The following BCL7B variants were observed in gnomAD, a reference collection of about 807,000 sequenced individuals.
BCL7B encodes the protein BAF chromatin remodeling complex subunit BCL7B.
A neutral mutation model predicts 26.5 loss-of-function variants in BCL7B; 11 were observed. The ratio of observed to expected loss-of-function variants is 0.42; its 90% CI spans 0.26 to 0.69. The LOEUF (loss-of-function observed/expected upper bound fraction) is 0.69. Among genes scored for constraint, BCL7B ranks in the 30% least tolerant of loss-of-function variants. The probability of loss-of-function intolerance (pLI) is 0.28; values close to 1 mark genes in which losing one functional copy is unlikely to be tolerated. For missense variants in BCL7B, 215 were observed against 264.4 expected, an observed-to-expected ratio of 0.81 and a Z score of 1.30; for synonymous variants, 111 against 107.9, an observed-to-expected ratio of 1.03 and a Z score of -0.18.
At chr7:73,548,912 A>G (rs1433144987) in intron 2 of BCL7B, among the ~76,000 whole-genome samples, 1 of 152,160 alleles carries the variant, frequency 6.6e-6, no homozygotes, top group Non-Finnish European at 1.5e-5. Flanking sequence ...CCTAGTCAAG[A>G]GAAGCGAAAT....
Position 73,555,209 on chromosome 7 carries a change from C to T in BCL7B, c.92+2278G>A, listed in dbSNP as rs537341648. ...CCACTTGGAATTCAGGAGTTCAAGA[C>T]CAGCTTGGCCAACATGGTGAAACCC... On this transcript the variant is annotated intron_variant, in intron 1 of 5. Transcript: ENST00000223368. Among the ~76,000 whole-genome samples, 30 of 152,116 alleles carry T rather than the reference C, an allele frequency of 2.0e-4. No homozygotes were observed. The South Asian group carries it at 6.0e-3, about 31-fold the overall frequency.
At chr7:73,550,916 C>G (rs1212880579) in intron 2 of BCL7B, among the ~76,000 whole-genome samples, 1 of 152,144 alleles carries the variant, frequency 6.6e-6, no homozygotes, top group Non-Finnish European at 1.5e-5. Context: ...CTCGGCCTCC[C>G]AAAGTGCTGG....
At chr7:73,553,066 C>T (rs1349601443) in intron 1 of BCL7B, among the ~76,000 whole-genome samples, 11 of 151,814 alleles carry the variant, frequency 7.2e-5, no homozygotes, top group Non-Finnish European at 1.0e-4. Flanking sequence ...GGACTAGAGG[C>T]GCACACCACC....
intron 3 of BCL7B, among the ~76,000 whole-genome samples, chr7:73,541,636 T>C (rs1404704222): frequency 6.6e-6 from 1 of 151,766 alleles, no homozygotes; most frequent in African/African-American, 2.4e-5. Context: ...CCTGGGTAAT[T>C]TTGTATTTTT....
chr7:73,553,916 AG>A (rs1563433213), intron 1 of BCL7B, among the ~76,000 whole-genome samples: 1 of 151,868 alleles, frequency 6.6e-6, no homozygotes, highest in Non-Finnish European at 1.5e-5. Context: ...GCTTACCCAC[AG>A]AGTGCCTTCG....
chr7:73,537,928 G>C lies in BCL7B; in HGVS notation c.516+6C>G. 6.3e-7 allele frequency: 1 copy of C among 1,575,380 alleles called. No homozygotes were observed. The highest frequency in any genetic ancestry group is 8.6e-7 in the Non-Finnish European group (1 of 1,164,190). On this transcript the variant is annotated splice_donor_region_variant and intron_variant, in intron 5 of 5. Coordinates refer to ENST00000223368, the MANE Select transcript of BCL7B (RefSeq NM_001707.4). ...AAAAACTGGAAAACTCAAAGTGATT[G>C]CTTACCTGTGTCTCTAGTGGAACTG...
At chr7:73,543,859 C>A in intron 2 of BCL7B, 1 of 502,018 alleles carries the variant, frequency 2.0e-6, no homozygotes, top group Non-Finnish European at 3.6e-6. Flanking sequence ...AGCAGGAATA[C>A]TGTGAATCAT....
In BCL7B at chr7:73,552,674, C is replaced by T. The variant is rs558683763; in HGVS notation, c.93-432G>A. 7.3e-5 allele frequency among the ~76,000 whole-genome samples: 11 copies of T among 151,694 alleles called. No homozygotes were observed. In the East Asian group the frequency reaches 7.8e-4, roughly 11 times the overall value. The stretch of plus-strand genomic sequence containing the variant: ...CGTGTGCCTGTAATCCCAGCTACTC[C>T]GGAGGCTAAGGTGGGAGGATCCCTT... On this transcript the variant is annotated intron_variant, in intron 1 of 5. Coordinates refer to ENST00000223368, the MANE Select transcript of BCL7B (RefSeq NM_001707.4).
At position 73,552,173 on chromosome 7, in the gene BCL7B, G is replaced by A. The variant is rs910925120; in HGVS notation, c.162C>T (p.Ser54=). 3 of 1,608,236 alleles carry A rather than the reference G, an allele frequency of 1.9e-6. No homozygotes were observed. The highest frequency in any genetic ancestry group is 1.7e-5 in the Admixed American group (1 of 58,548). ...RIFKWVPVTD[S]KEKEKSKSNS... Reference sequence around the variant, plus strand: ...GATTTTCTTCCACACTTACCTCCTTGCTGTCTGTCACAGGAACCCACTTAA... The same window carrying A: ...GATTTTCTTCCACACTTACCTCCTTACTGTCTGTCACAGGAACCCACTTAA... Residue 54 remains serine, a synonymous_variant, in exon 2 of 6, where the codon AGC becomes AGT. Transcript: ENST00000223368.
chr7:73,539,026 C>G (rs1730863210), intron 4 of BCL7B, among the ~76,000 whole-genome samples: 1 of 152,064 alleles, frequency 6.6e-6, no homozygotes, highest in Admixed American at 6.6e-5. Flanking sequence ...CTGGTGCGAT[C>G]TTGGCTCACT....
At chr7:73,542,954 C>T (rs1554583056) in intron 3 of BCL7B, 3 of 388,552 alleles carry the variant, frequency 7.7e-6, no homozygotes, top group South Asian at 3.7e-5. Context: ...TAAAAAAAAG[C>T]TTCTGATTCG....
intron 3 of BCL7B, among the ~76,000 whole-genome samples, chr7:73,541,051 G>A (rs1554582824): frequency 6.6e-6 from 1 of 152,044 alleles, no homozygotes; most frequent in Non-Finnish European, 1.5e-5. Context: ...GGAGGCTGAG[G>A]CAGGAAAATC....
chr7:73,539,572 T>C lies in BCL7B; in HGVS notation c.436+310A>G, dbSNP rs1791673474. On this transcript the variant is annotated intron_variant, in intron 4 of 5. Transcript: ENST00000223368. ...CAGCCCAATTTAACCTTTCTAAGCTTTGAATGTCCATTTTCCTCATCTGTA... is the reference window on the plus strand; with the variant it reads ...CAGCCCAATTTAACCTTTCTAAGCTCTGAATGTCCATTTTCCTCATCTGTA... 2.0e-5 allele frequency: 6 copies of C among 299,218 alleles called. No homozygotes were observed. The East Asian group carries it at 3.7e-4, about 18-fold the overall frequency. The allele number at this position is 299,218 out of a possible 1,614,324, so 18.5% of individuals were successfully genotyped here.
intron 4 of BCL7B, 55 bp from the exon 5 acceptor site, chr7:73,538,068 G>A (rs1328872108): frequency 4.9e-6 from 6 of 1,220,786 alleles, no homozygotes; most frequent in African/African-American, 4.6e-5. Context: ...GCCTGGACCT[G>A]GGGGAGCTTC....
chr7:73,545,727 G>A (rs1353559453), intron 2 of BCL7B, among the ~76,000 whole-genome samples: 1 of 152,172 alleles, frequency 6.6e-6, no homozygotes, highest in African/African-American at 2.4e-5. Flanking sequence ...GATAAAGGCA[G>A]AGTCCATACA....
chr7:73,551,905 C>A (rs2115813121), intron 2 of BCL7B, among the ~76,000 whole-genome samples: 1 of 151,522 alleles, frequency 6.6e-6, no homozygotes, highest in East Asian at 2.0e-4. Context: ...ACCAGCCTGA[C>A]CAACATGGTG....
At chr7:73,539,754 C>G in intron 4 of BCL7B, 128 bp downstream of exon 4, 1 of 1,088,930 alleles carries the variant, frequency 9.2e-7, no homozygotes, top group Non-Finnish European at 1.3e-6. Context: ...CCTAAGCTAT[C>G]GAGAAAGGGC....
chr7:73,539,360 T>C (rs1393825855), intron 4 of BCL7B, among the ~76,000 whole-genome samples: 1 of 152,136 alleles, frequency 6.6e-6, no homozygotes, highest in African/African-American at 2.4e-5. Flanking sequence ...CAAGTGATTC[T>C]TCTGCCTCAG....
chr7:73,552,697 C>G (rs1554584296), intron 1 of BCL7B, among the ~76,000 whole-genome samples: 2 of 151,798 alleles, frequency 1.3e-5, no homozygotes, highest in Non-Finnish European at 2.9e-5. Context: ...GGGAGGATCC[C>G]TTGAGCCCAG....
Sources: allele counts gnomAD v4.1 joint callset (sites outside exome capture counted in the v4.1 genomes callset), GRCh38; gene constraint gnomAD v4.1.1; transcripts MANE v1.5; gene names NCBI Gene and HGNC (gene_info 2026-07-23, HGNC 2026-07-21).